The following KANSL1 variants were observed in gnomAD, a reference collection of about 807,000 sequenced individuals.
KANSL1 encodes the protein MLL1/MLL complex subunit KANSL1.
In KANSL1, 22 loss-of-function variants were observed where a neutral mutation model predicts 103.6. That is an observed-to-expected ratio of 0.21 (90% confidence interval 0.15 to 0.30). The LOEUF is 0.30. Among genes scored for constraint, KANSL1 ranks in the 10% least tolerant of loss-of-function variants. KANSL1 has a pLI of 1.00. For synonymous variants in KANSL1, 600 were observed against 527.6 expected (o/e 1.14, Z -1.88); for missense variants, 1,337 against 1,399.8 (o/e 0.96, Z 0.72).
chr17:46,145,113 C>T lies in KANSL1; in HGVS notation c.1289+25742G>A, dbSNP rs142837297. 5.4e-4 allele frequency among the ~76,000 whole-genome samples: 82 copies of T among 152,200 alleles called. 1 individual carries two copies. The highest frequency in any genetic ancestry group is 1.6e-3 in the Admixed American group (24 of 15,302). On this transcript the variant is annotated intron_variant, in intron 2 of 14. Transcript: ENST00000432791. ...TACTACTTAAGTTCTATCATCTCAT[C>T]CAAAAACTTGCTTCTTATATTCTGC...
At chr17:46,074,002 T>A (rs1040354977) in intron 4 of KANSL1, among the ~76,000 whole-genome samples, 2 of 152,138 alleles carry the variant, frequency 1.3e-5, no homozygotes, top group Non-Finnish European at 2.9e-5. Context: ...TAGATGTGTG[T>A]GTATGCACCT....
chr17:46,095,857 A>T (rs1224002027), intron 2 of KANSL1, among the ~76,000 whole-genome samples: 2 of 152,232 alleles, frequency 1.3e-5, no homozygotes, highest in African/African-American at 4.8e-5. Context: ...CTTAACAGAA[A>T]TAGGAAATTC....
At chr17:46,109,370 C>T (rs552064866) in intron 2 of KANSL1, among the ~76,000 whole-genome samples, 1 of 152,292 alleles carries the variant, frequency 6.6e-6, no homozygotes, top group Admixed American at 6.5e-5. Context: ...AATTTCTATG[C>T]TTTTGCAAAC....
At chr17:46,078,239 T>C (rs1019298333) in intron 4 of KANSL1, among the ~76,000 whole-genome samples, 6 of 152,218 alleles carry the variant, frequency 3.9e-5, no homozygotes, top group African/African-American at 1.4e-4. Context: ...AGTGTGAGCC[T>C]TTATTGGTTT....
intron 2 of KANSL1, among the ~76,000 whole-genome samples, chr17:46,118,971 C>G (rs1319772877): frequency 1.3e-5 from 2 of 152,170 alleles, no homozygotes; most frequent in Non-Finnish European, 2.9e-5. Context: ...CAGGGGTAAA[C>G]AAAAATTGTG....
chr17:46,096,509 G>A (rs2042092532), intron 2 of KANSL1, among the ~76,000 whole-genome samples: 3 of 145,124 alleles, frequency 2.1e-5, no homozygotes, highest in South Asian at 4.2e-4. Flanking sequence ...TAGTAGACAC[G>A]GGGTTTCTCC....
At chr17:46,161,865 G>A (rs2045761387) in intron 2 of KANSL1, among the ~76,000 whole-genome samples, 1 of 152,126 alleles carries the variant, frequency 6.6e-6, no homozygotes, top group South Asian at 2.1e-4. Flanking sequence ...GGCTGCTAGA[G>A]CAAACCACAA....
intron 2 of KANSL1, among the ~76,000 whole-genome samples, chr17:46,141,601 T>C (rs1048375601): frequency 3.9e-5 from 6 of 152,176 alleles, no homozygotes; most frequent in Admixed American, 1.3e-4. Context: ...AGAGAGTGTA[T>C]ACTCATAAAA....
intron 2 of KANSL1, among the ~76,000 whole-genome samples, chr17:46,133,931 C>G (rs776195915): frequency 1.3e-5 from 2 of 152,152 alleles, no homozygotes; most frequent in Non-Finnish European, 2.9e-5. Context: ...TGAGTGAAAT[C>G]AACAGATCCA....
intron 2 of KANSL1, among the ~76,000 whole-genome samples, chr17:46,156,341 T>C (rs967004434): frequency 1.3e-5 from 2 of 152,032 alleles, no homozygotes; most frequent in African/African-American, 4.8e-5. Flanking sequence ...ACCGAGATTC[T>C]GTCTCAAAAA....
At chr17:46,062,982 G>A (rs1256059346) in intron 6 of KANSL1, among the ~76,000 whole-genome samples, 1 of 152,144 alleles carries the variant, frequency 6.6e-6, no homozygotes, top group Non-Finnish European at 1.5e-5. Flanking sequence ...CCCGGGAGGA[G>A]GAGGTTGCAG....
At chr17:46,136,343 C>T (rs2044141974) in intron 2 of KANSL1, among the ~76,000 whole-genome samples, 1 of 152,218 alleles carries the variant, frequency 6.6e-6, no homozygotes, top group Non-Finnish European at 1.5e-5. Context: ...CACCACAAGG[C>T]TTGGATTAGG....
intron 1 of KANSL1, among the ~76,000 whole-genome samples, chr17:46,204,155 A>AAAAC (rs2047891442): frequency 1.3e-5 from 2 of 152,174 alleles, no homozygotes; most frequent in South Asian, 4.1e-4. Context: ...CCCTATCTCT[A>AAAAC]AAACAAACAT....
chr17:46,137,824 G>A (rs1190024471), intron 2 of KANSL1, among the ~76,000 whole-genome samples: 4 of 148,536 alleles, frequency 2.7e-5, no homozygotes, highest in Admixed American at 6.8e-5. Flanking sequence ...CCAAAATCAC[G>A]CCACTGCACT....
chr17:46,125,866 A>G (rs1162737417), intron 2 of KANSL1, among the ~76,000 whole-genome samples: 4 of 152,232 alleles, frequency 2.6e-5, no homozygotes, highest in Admixed American at 6.5e-5. Context: ...AGTATTAGTA[A>G]TACTAAAAAT....
intron 2 of KANSL1, among the ~76,000 whole-genome samples, chr17:46,164,250 A>C (rs946442042): frequency 6.6e-6 from 1 of 152,280 alleles, no homozygotes; most frequent in African/African-American, 2.4e-5. Flanking sequence ...TATAGCAACT[A>C]TATCTACGGT....
At chr17:46,052,449 A>G (rs961988222) in intron 6 of KANSL1, among the ~76,000 whole-genome samples, 3 of 151,938 alleles carry the variant, frequency 2.0e-5, no homozygotes, top group Non-Finnish European at 4.4e-5. Flanking sequence ...TACTGAAAAT[A>G]GAAACGTCAG....
intron 2 of KANSL1, among the ~76,000 whole-genome samples, chr17:46,106,448 A>G (rs940427996): frequency 6.6e-6 from 1 of 152,232 alleles, no homozygotes; most frequent in Non-Finnish European, 1.5e-5. Context: ...GCTGGAGTAC[A>G]GTGGTGCGAT....
At chr17:46,096,609 T>C (rs901466389) in intron 2 of KANSL1, among the ~76,000 whole-genome samples, 8 of 151,754 alleles carry the variant, frequency 5.3e-5, no homozygotes, top group Admixed American at 1.3e-4. Context: ...CACGAGCCAC[T>C]GCACCCAGCC....
Sources: allele counts gnomAD v4.1 joint callset (sites outside exome capture counted in the v4.1 genomes callset), GRCh38; gene constraint gnomAD v4.1.1; transcripts MANE v1.5; gene names NCBI Gene and HGNC (gene_info 2026-07-23, HGNC 2026-07-21).